Variants in ADARB2 observed in about 807,000 individuals in gnomAD.
The protein encoded by ADARB2 is inactive double-stranded RNA-specific editase B2.
Under a neutral mutation model 62.2 loss-of-function variants are expected in ADARB2, and 25 were observed. The observed-to-expected ratio is 0.40, with a 90% CI of 0.29 to 0.56. ADARB2 has a LOEUF of 0.56. ADARB2 is among the 20% of genes least tolerant of loss of function. The pLI is 0.43. For missense variants in ADARB2, 1,071 were observed against 1,077.4 expected (o/e 0.99, Z 0.08); for synonymous variants, 572 against 500.8 (o/e 1.14, Z -1.90).
chr10:1,710,024 T>G (rs1030598963), intron 1 of ADARB2, among the ~76,000 whole-genome samples: 6 of 152,214 alleles, frequency 3.9e-5, no homozygotes, highest in Admixed American at 3.9e-4. Flanking sequence ...CTCGCAGGGC[T>G]AATAACCTTC....
At chr10:1,602,639 T>C (rs1203344527) in intron 1 of ADARB2, among the ~76,000 whole-genome samples, 1 of 144,838 alleles carries the variant, frequency 6.9e-6, no homozygotes, top group African/African-American at 2.5e-5. Flanking sequence ...TCCACATACA[T>C]ATGCACACAC....
intron 1 of ADARB2, among the ~76,000 whole-genome samples, chr10:1,726,408 C>G (rs2119040183): frequency 6.6e-6 from 1 of 152,118 alleles, no homozygotes; most frequent in East Asian, 1.9e-4. Flanking sequence ...AACAAGGGAC[C>G]ATTCACTCTC....
intron 1 of ADARB2, among the ~76,000 whole-genome samples, chr10:1,536,479 G>T (rs947343323): frequency 1.3e-5 from 2 of 152,226 alleles, no homozygotes; most frequent in Non-Finnish European, 2.9e-5. Context: ...AAACCTTGAG[G>T]CTTCTCCATC....
At chr10:1,406,412 C>G (rs1162390934) in intron 1 of ADARB2, among the ~76,000 whole-genome samples, 2 of 152,092 alleles carry the variant, frequency 1.3e-5, no homozygotes, top group South Asian at 2.1e-4. Flanking sequence ...GAGAGAGTGG[C>G]CTGGGGGACC....
At chr10:1,404,770 C>T (rs1832692937) in intron 1 of ADARB2, among the ~76,000 whole-genome samples, 2 of 152,160 alleles carry the variant, frequency 1.3e-5, no homozygotes. Context: ...CTGGACAGAC[C>T]CCTGAGGGAA....
At chr10:1,550,938 A>G (rs1177954427) in intron 1 of ADARB2, among the ~76,000 whole-genome samples, 1 of 152,192 alleles carries the variant, frequency 6.6e-6, no homozygotes, top group African/African-American at 2.4e-5. Context: ...TGCTTTTAAA[A>G]TAAAAAGGAC....
In ADARB2 at chr10:1,306,779, A is replaced by G. The variant is rs546626830; in HGVS notation, c.1078-35710T>C. 5.9e-3 allele frequency among the ~76,000 whole-genome samples: 885 copies of G among 150,196 alleles called. 12 individuals are homozygous for G. Among genetic ancestry groups the G allele is most frequent in the African/African-American group, 0.02 (820 of 41,126 alleles). On this transcript the variant is annotated intron_variant, in intron 3 of 9. Coordinates refer to ENST00000381312, the MANE Select transcript of ADARB2 (RefSeq NM_018702.4). ...ACAGAGCCGTCAGAAATAACGCCGC[A>G]TATCTACAACTATCTGATCTTTGAC... is the stretch of plus-strand genomic sequence containing the variant.
chr10:1,569,751 A>G (rs1226205653), intron 1 of ADARB2, among the ~76,000 whole-genome samples: 1 of 152,042 alleles, frequency 6.6e-6, no homozygotes, highest in Non-Finnish European at 1.5e-5. Flanking sequence ...ATTATTTTCT[A>G]AAGTATCATT....
chr10:1,706,227 G>T (rs948978748), intron 1 of ADARB2, among the ~76,000 whole-genome samples: 8 of 152,232 alleles, frequency 5.3e-5, no homozygotes, highest in African/African-American at 1.9e-4. Flanking sequence ...TTTCTCTCCT[G>T]AGTAGAGCTT....
chr10:1,246,735 C>T (rs1038811397), intron 4 of ADARB2, among the ~76,000 whole-genome samples: 2 of 137,324 alleles, frequency 1.5e-5, no homozygotes, highest in African/African-American at 5.6e-5. Context: ...GTTTTGGTTA[C>T]TGTAGCCTTG....
chr10:1,249,184 G>A (rs553298861), intron 4 of ADARB2, among the ~76,000 whole-genome samples: 1 of 152,230 alleles, frequency 6.6e-6, no homozygotes, highest in African/African-American at 2.4e-5. Flanking sequence ...GTTCACACCT[G>A]TAATCCCAGC....
chr10:1,719,502 T>C (rs1050760713), intron 1 of ADARB2, among the ~76,000 whole-genome samples: 2 of 152,212 alleles, frequency 1.3e-5, no homozygotes, highest in African/African-American at 4.8e-5. Context: ...TACAGTGGCC[T>C]TTTGATAAAA....
At chr10:1,533,347 C>T (rs1290089334) in intron 1 of ADARB2, among the ~76,000 whole-genome samples, 1 of 149,802 alleles carries the variant, frequency 6.7e-6, no homozygotes, top group Non-Finnish European at 1.5e-5. Flanking sequence ...CCAGGCTGGT[C>T]TCAAACTCCT....
In ADARB2 at chr10:1,426,559, C is replaced by A. The variant is rs1474211861; in HGVS notation, c.101-47399G>T. On this transcript the variant is annotated intron_variant, in intron 1 of 9. Coordinates refer to ENST00000381312, the MANE Select transcript of ADARB2 (RefSeq NM_018702.4). This position sits in a 1 kb window ranked among gnomAD's most constrained non-coding sequence, Gnocchi z 4.1. Reference sequence around the variant, plus strand: ...TGAGGCCTCAGTTCTGCCTCTCTCCCCTGTTGTGGCCTTGGAAGGAAAAGC... The same window carrying A: ...TGAGGCCTCAGTTCTGCCTCTCTCCACTGTTGTGGCCTTGGAAGGAAAAGC... 2.0e-5 allele frequency among the ~76,000 whole-genome samples: 3 copies of A among 152,134 alleles called. No individual in the cohort carries two copies. The highest frequency in any genetic ancestry group is 3.9e-4 in the East Asian group (2 of 5,182).
chr10:1,600,083 TA>T (rs1374458409), intron 1 of ADARB2, among the ~76,000 whole-genome samples: 1 of 152,116 alleles, frequency 6.6e-6, no homozygotes, highest in Non-Finnish European at 1.5e-5. Flanking sequence ...TTCTACTTTT[TA>T]AAAAGTCATG....
rs535327983 is a variant in ADARB2, at chr10:1,628,033, C to T, written c.100+109018G>A. 2.6e-5 allele frequency among the ~76,000 whole-genome samples: 4 copies of T among 152,378 alleles called. No homozygotes were observed. In the South Asian group the frequency reaches 6.2e-4, roughly 24 times the overall value. The stretch of plus-strand genomic sequence containing the variant: ...CTGCCGGCTGATGTGGGCTTTCGCC[C>T]ATCCCTCTGTGACTGGCCTGAGCTC... On this transcript the variant is annotated intron_variant, in intron 1 of 9. Coordinates refer to ENST00000381312, the MANE Select transcript of ADARB2 (RefSeq NM_018702.4).
chr10:1,215,078 C>T (rs1031787474), intron 7 of ADARB2, among the ~76,000 whole-genome samples: 20 of 152,046 alleles, frequency 1.3e-4, no homozygotes, highest in African/African-American at 3.6e-4. Context: ...GGGGCAGGTG[C>T]GGCGGGGGTC....
rs114767511 is a variant in ADARB2 at position 1,363,478 on chromosome 10, G to A, written c.627C>T (p.Gly209=). 0.021 allele frequency: 30,678 copies of A among 1,492,580 alleles called. 649 individuals are homozygous for A. The highest frequency in any genetic ancestry group is 0.099 in the African/African-American group (6,781 of 68,390). 92.5% of individuals were successfully genotyped at this position (1,492,580 alleles called of 1,614,324 possible). ...HLAMGGGPGP[G]TDFTSDQADF... ...CGGCCTGGTCGGAGGTGAAGTCCGT[G>A]CCGGGGCCCGGGCCCCCGCCCATGG... The change falls in exon 3 of 10, where the codon GGC becomes GGT. Residue 209 remains glycine, a synonymous_variant. Coordinates refer to ENST00000381312, the MANE Select transcript of ADARB2 (RefSeq NM_018702.4).
At chr10:1,347,238 C>T (rs118149380) in intron 3 of ADARB2, among the ~76,000 whole-genome samples, 235 of 152,288 alleles carry the variant, frequency 1.5e-3, no homozygotes, top group East Asian at 6.2e-3. Context: ...CTCCCTTTCC[C>T]GCCTTCCTGA....
Sources: gnomAD v4.1 joint callset for allele counts (sites outside exome capture counted in the v4.1 genomes callset) on GRCh38, gnomAD v4.1.1 for gene constraint, Gnocchi (gnomAD v3.1) non-coding constraint, MANE v1.5 for transcripts, NCBI Gene and HGNC (gene_info 2026-07-23, HGNC 2026-07-21) for gene names.